MICAL3: variants seen among roughly 807,000 people sequenced by gnomAD.
The protein encoded by MICAL3 is microtubule associated monooxygenase, calponin and LIM domain containing 3.
In MICAL3, 62 loss-of-function variants were observed where a neutral mutation model predicts 207.4. That is an observed-to-expected ratio of 0.30 (90% CI 0.24 to 0.37). The LOEUF is 0.37. Ranked by LOEUF, MICAL3 falls within the 10% of genes least tolerant of loss-of-function variation. The pLI, the probability that MICAL3 is intolerant of heterozygous loss-of-function variation, is 1.00. For synonymous variants in MICAL3, 1,077 were observed against 1,069.3 expected (o/e 1.01, Z -0.14); for missense variants, 2,368 against 2,635.6 (o/e 0.90, Z 2.22).
intron 1 of MICAL3, among the ~76,000 whole-genome samples, chr22:17,916,928 A>C (rs1403747081): frequency 1.3e-5 from 2 of 152,178 alleles, no homozygotes; most frequent in Admixed American, 6.5e-5. Context: ...CTCTCTTTTC[A>C]CATAAATTTA....
chr22:17,799,387 A>G (rs1397174009), intron 29 of MICAL3, among the ~76,000 whole-genome samples: 2 of 152,222 alleles, frequency 1.3e-5, no homozygotes, highest in Non-Finnish European at 2.9e-5. Context: ...CCCTGTCTCA[A>G]AAACTTTCAC....
intron 1 of MICAL3, among the ~76,000 whole-genome samples, chr22:17,974,699 G>A (rs1033545133): frequency 2.1e-5 from 3 of 146,334 alleles, no homozygotes; most frequent in Non-Finnish European, 4.5e-5. Context: ...ACTCCAGCCT[G>A]GATAACAGAG....
chr22:17,876,762 G>T (rs1357964636), intron 16 of MICAL3: 1 of 146,008 alleles, frequency 6.8e-6, no homozygotes, highest in South Asian at 2.1e-4. Context: ...GGTTAAGGAG[G>T]TTAGGGAAGT....
intron 1 of MICAL3, among the ~76,000 whole-genome samples, chr22:17,936,904 C>A (rs932391330): frequency 2.0e-5 from 3 of 152,218 alleles, no homozygotes; most frequent in Non-Finnish European, 4.4e-5. Context: ...TTGGTCTTGA[C>A]TCCTTTGGTA....
At chr22:17,862,150 G>GCCT in intron 19 of MICAL3, 3 of 985,286 alleles carry the variant, frequency 3.0e-6, no homozygotes, top group Non-Finnish European at 2.4e-6. Flanking sequence ...CGTCATCATC[G>GCCT]CCTCTACTGG....
chr22:17,820,860 TAATA>T (rs900882497), intron 25 of MICAL3, among the ~76,000 whole-genome samples: 4 of 127,118 alleles, frequency 3.1e-5, no homozygotes, highest in Non-Finnish European at 5.2e-5. Context: ...AAATTTGTTC[TAATA>T]AATTTTAATA....
At chr22:17,897,005 T>C in intron 7 of MICAL3, 24 bp from the exon 8 acceptor site, 2 of 1,593,850 alleles carry the variant, frequency 1.3e-6, no homozygotes, top group South Asian at 1.1e-5. Flanking sequence ...AAGAGGAGGG[T>C]AGGGATGGAG....
chr22:17,845,499 A>G (rs1048353285), intron 19 of MICAL3, among the ~76,000 whole-genome samples: 2 of 152,202 alleles, frequency 1.3e-5, no homozygotes, highest in Admixed American at 6.5e-5. Context: ...GTATGCACTC[A>G]TGGGAGAACA....
intron 1 of MICAL3, among the ~76,000 whole-genome samples, chr22:17,946,396 C>T (rs1934068652): frequency 6.6e-6 from 1 of 152,272 alleles, no homozygotes; most frequent in African/African-American, 2.4e-5. Flanking sequence ...CAACGACCCA[C>T]ATGTGTATTC....
At chr22:17,881,085 G>C (rs1353986816) in intron 16 of MICAL3, 1 of 887,128 alleles carries the variant, frequency 1.1e-6, no homozygotes, top group Non-Finnish European at 1.8e-6. Context: ...TCTACGCATA[G>C]CCTTTCTTCT....
chr22:17,907,990 T>C (rs907381659), intron 1 of MICAL3, among the ~76,000 whole-genome samples: 3 of 152,194 alleles, frequency 2.0e-5, no homozygotes, highest in African/African-American at 7.2e-5. Context: ...GGACAGAGGC[T>C]GGGAGGTGGG....
chr22:17,935,516 T>C (rs887998192), intron 1 of MICAL3, among the ~76,000 whole-genome samples: 4 of 152,188 alleles, frequency 2.6e-5, no homozygotes, highest in Non-Finnish European at 4.4e-5. Context: ...GACACAGGCA[T>C]GGGCAAGGAC....
At chr22:17,947,761 A>C (rs925898152) in intron 1 of MICAL3, among the ~76,000 whole-genome samples, 4 of 152,066 alleles carry the variant, frequency 2.6e-5, no homozygotes, top group African/African-American at 7.2e-5. Flanking sequence ...TAGAGATGGC[A>C]TCTTGCTATG....
chr22:17,808,792 G>A (rs902593097), intron 29 of MICAL3, 52 bp downstream of exon 29: 7 of 1,460,880 alleles, frequency 4.8e-6, no homozygotes, highest in African/African-American at 2.8e-5. Context: ...CTACCACGGC[G>A]GGAGGGAGGG....
chr22:17,964,008 C>T (rs1935037834), intron 1 of MICAL3, among the ~76,000 whole-genome samples: 1 of 152,188 alleles, frequency 6.6e-6, no homozygotes, highest in South Asian at 2.1e-4. Context: ...TTATTGGTTA[C>T]CAACTAATTG....
intron 1 of MICAL3, among the ~76,000 whole-genome samples, chr22:18,007,724 C>T (rs999158659): frequency 2.2e-4 from 33 of 151,344 alleles, no homozygotes; most frequent in African/African-American, 6.6e-4. Context: ...GAGGCCGAGG[C>T]GGGTGGATCA....
chr22:17,795,764 A>G (rs1016698376), intron 29 of MICAL3, among the ~76,000 whole-genome samples: 5 of 152,240 alleles, frequency 3.3e-5, no homozygotes, highest in Non-Finnish European at 7.3e-5. Context: ...CCACACTTCC[A>G]CAACGGGCGA....
intron 20 of MICAL3, chr22:17,840,633 A>C (rs1923916093): frequency 6.6e-6 from 1 of 152,280 alleles, no homozygotes; most frequent in Non-Finnish European, 1.5e-5. Context: ...CACTCAGCCC[A>C]AGGTCAAGCC....
intron 1 of MICAL3, among the ~76,000 whole-genome samples, chr22:17,952,939 C>G (rs1403898834): frequency 1.3e-5 from 2 of 152,186 alleles, no homozygotes; most frequent in African/African-American, 4.8e-5. Context: ...ATGCCTTTTA[C>G]CGCGCCTGAC....
Sources: allele counts gnomAD v4.1 joint callset (sites outside exome capture counted in the v4.1 genomes callset), GRCh38; gene constraint gnomAD v4.1.1; transcripts MANE v1.5; gene names NCBI Gene and HGNC (gene_info 2026-07-23, HGNC 2026-07-21).